Variants in FREM1 observed in about 807,000 individuals in gnomAD.
FREM1 encodes FRAS1-related extracellular matrix protein 1.
A neutral mutation model predicts 210.1 loss-of-function variants in FREM1; 220 were observed. That is an observed-to-expected ratio of 1.05 (90% confidence interval 0.94 to 1.17). The LOEUF (loss-of-function observed/expected upper bound fraction) is 1.17. Among genes scored for constraint, FREM1 ranks in the 50% most tolerant of loss-of-function variants. The pLI is 0.00. For missense variants in FREM1, 3,454 were observed against 2,675.5 expected, an observed-to-expected ratio of 1.29 and a Z score of -6.42; for synonymous variants, 1,189 against 980.2, an observed-to-expected ratio of 1.21 and a Z score of -3.98.
In FREM1 at chr9:14,824,055, A is replaced by T. The variant is rs1174390493; in HGVS notation, c.2139T>A (p.Pro713=). ...TGAATGACCTCAGCTCCAGGGCCGT[A>T]GGATTCTTAACTACTTTTGGTATGC... ...VDSIPKVVKN[P]TALELRSFTQ... is the part of the protein sequence containing the mutation. Residue 713 remains proline, a synonymous_variant, in exon 12 of 37, where the codon CCT becomes CCA. Coordinates refer to ENST00000380880, the MANE Select transcript of FREM1 (RefSeq NM_001379081.2). The T allele has an allele frequency of 2.5e-6, 4 of 1,593,932 alleles. No individual in the cohort carries two copies. The highest frequency in any genetic ancestry group is 3.4e-6 in the Non-Finnish European group (4 of 1,169,012).
rs115421185 is a variant in FREM1 at position 14,775,935 on chromosome 9, C to T, written c.4711G>A (p.Asp1571Asn). 4.3e-4 allele frequency: 700 copies of T among 1,613,958 alleles called. 4 individuals carry two copies. In the African/African-American group the frequency reaches 8.2e-3, roughly 19 times the overall value. The change falls in exon 25 of 37, where the codon GAT (aspartate) becomes AAT (asparagine). Residue 1571 changes from aspartate (D) to asparagine (N), a missense_variant. Transcript: ENST00000380880. Reference sequence around the variant, plus strand: ...TAGGCCACATTCTTGCTGTCCACATCCTGCTGGGTGAAATTGTGTTGAAGT... The same window carrying T: ...TAGGCCACATTCTTGCTGTCCACATTCTGCTGGGTGAAATTGTGTTGAAGT... ...GLLQHNFTQQ[D>N]VDSKNVAYRH...
intron 24 of FREM1, among the ~76,000 whole-genome samples, chr9:14,777,058 T>A (rs892323677): frequency 7.2e-5 from 11 of 152,184 alleles, no homozygotes; most frequent in African/African-American, 2.7e-4. Flanking sequence ...CACCCACTAC[T>A]CTTGCAGAGT....
At chr9:14,873,071 CA>C (rs1303196376) in intron 1 of FREM1, among the ~76,000 whole-genome samples, 3 of 152,106 alleles carry the variant, frequency 2.0e-5, no homozygotes, top group African/African-American at 7.2e-5. Context: ...TTCGGTTTGC[CA>C]GTATCTTATT....
chr9:14,781,035 C>T (rs1012418191), intron 24 of FREM1, among the ~76,000 whole-genome samples: 8 of 152,174 alleles, frequency 5.3e-5, no homozygotes, highest in Non-Finnish European at 8.8e-5. Flanking sequence ...CACACAAATG[C>T]ATATTCTCCA....
At chr9:14,839,519 T>G (rs1190018556) in intron 10 of FREM1, among the ~76,000 whole-genome samples, 2 of 152,118 alleles carry the variant, frequency 1.3e-5, no homozygotes, top group African/African-American at 4.8e-5. Context: ...TAACATAAAT[T>G]AAGAAGATGA....
chr9:14,840,514 AG>A (rs959709314), intron 10 of FREM1, among the ~76,000 whole-genome samples: 1 of 152,204 alleles, frequency 6.6e-6, no homozygotes, highest in Non-Finnish European at 1.5e-5. Flanking sequence ...AAGCTTGTAC[AG>A]GGGACCACCC....
chr9:14,776,530 C>T (rs979674598), intron 24 of FREM1, among the ~76,000 whole-genome samples: 3 of 152,138 alleles, frequency 2.0e-5, no homozygotes, highest in African/African-American at 7.2e-5. Context: ...AATTTCACAT[C>T]CAATGAGACT....
At chr9:14,825,547 G>GTGTGTGTGTGTGTGTATATATATATA in intron 10 of FREM1, among the ~76,000 whole-genome samples, 6 of 75,932 alleles carry the variant, frequency 7.9e-5, no homozygotes, top group Non-Finnish European at 9.8e-5. Flanking sequence ...GTGTGTGTGT[G>GTGTGTGTGTGTGTGTATATATATATA]TATATATATA....
At position 14,837,750 on chromosome 9, in the gene FREM1, C is replaced by A. The variant is rs185967864; in HGVS notation, c.1881+3697G>T. 6.6e-5 allele frequency among the ~76,000 whole-genome samples: 10 copies of A among 152,232 alleles called. No homozygotes were observed. The East Asian group carries it at 1.9e-3, about 29-fold the overall frequency. The stretch of plus-strand genomic sequence containing the variant: ...GGGGAAAAAATCATGACACAGACTG[C>A]AGGAGAATAGAAAAATGACTGCCAT... On this transcript the variant is annotated intron_variant, in intron 10 of 36. Transcript: ENST00000380880.
chr9:14,884,987 C>G (rs894639733), intron 1 of FREM1, among the ~76,000 whole-genome samples: 2 of 112,302 alleles, frequency 1.8e-5, no homozygotes, highest in East Asian at 3.1e-4. Context: ...TGCAGTGGTG[C>G]GATCTCGGCT....
In FREM1 at chr9:14,784,362, G is replaced by A. The variant is rs1850083333; in HGVS notation, c.4442+8C>T. 1 of 1,609,872 alleles carries A rather than the reference G, an allele frequency of 6.2e-7. No homozygotes were observed. The highest frequency in any genetic ancestry group is 8.5e-7 in the Non-Finnish European group (1 of 1,177,084). ...AGAAGGGGTTTGAAAAGTTTCCATGGGGCTCACCTGAATCTGTCACTGGAG... is the reference window on the plus strand; with the variant it reads ...AGAAGGGGTTTGAAAAGTTTCCATGAGGCTCACCTGAATCTGTCACTGGAG... On this transcript the variant is annotated splice_region_variant and intron_variant, in intron 24 of 36. Transcript: ENST00000380880.
chr9:14,766,152 C>A (rs911177166), intron 27 of FREM1, among the ~76,000 whole-genome samples: 1 of 152,132 alleles, frequency 6.6e-6, no homozygotes, highest in Non-Finnish European at 1.5e-5. Context: ...AAGCCTTGAG[C>A]TTTATTTCCT....
chr9:14,783,413 T>C (rs1250520610), intron 24 of FREM1, among the ~76,000 whole-genome samples: 1 of 152,218 alleles, frequency 6.6e-6, no homozygotes, highest in Non-Finnish European at 1.5e-5. Flanking sequence ...GAAGACTGTA[T>C]TGTGACGTGG....
intron 28 of FREM1, among the ~76,000 whole-genome samples, chr9:14,758,221 T>G (rs1360345709): frequency 6.6e-6 from 1 of 152,134 alleles, no homozygotes; most frequent in Non-Finnish European, 1.5e-5. Context: ...GGACTGTGCT[T>G]GATGAAGGCC....
chr9:14,840,060 C>A lies in FREM1; in HGVS notation c.1881+1387G>T, dbSNP rs550584630. The stretch of plus-strand genomic sequence containing the variant: ...TTAATAGGGATTACCTATTGCCTTC[C>A]ATTTCTGAGCTCTCTGGAATCATTC... On this transcript the variant is annotated intron_variant, in intron 10 of 36. Coordinates refer to ENST00000380880, the MANE Select transcript of FREM1 (RefSeq NM_001379081.2). Among the ~76,000 whole-genome samples, 7 of 152,314 alleles carry A rather than the reference C, an allele frequency of 4.6e-5. 1 individual carries two copies. The South Asian group carries it at 1.2e-3, about 27-fold the overall frequency.
At chr9:14,814,492 T>C (rs1183501366) in intron 15 of FREM1, among the ~76,000 whole-genome samples, 5 of 152,172 alleles carry the variant, frequency 3.3e-5, no homozygotes, top group Non-Finnish European at 7.3e-5. Context: ...AAAACAAATA[T>C]ACATGAAATT....
In FREM1 at chr9:14,824,906, A is replaced by G; in HGVS notation, c.1968T>C (p.Thr656=). ...GVSRHLVVKE[T]EVAYITKKQL... ...GTTTCTTAGTTATATAGGCCACCTC[A>G]GTTTCCTTGACAACCAAATGCCGAG... is the stretch of plus-strand genomic sequence containing the variant. Residue 656 remains threonine, a synonymous_variant, in exon 11 of 37, where the codon ACT becomes ACC. Coordinates refer to ENST00000380880, the MANE Select transcript of FREM1 (RefSeq NM_001379081.2). The G allele has an allele frequency of 6.2e-7, 1 of 1,611,672 alleles. No individual in the cohort carries two copies. The highest frequency in any genetic ancestry group is 8.5e-7 in the Non-Finnish European group (1 of 1,179,182).
intron 30 of FREM1, among the ~76,000 whole-genome samples, chr9:14,749,342 T>A (rs1030298606): frequency 2.0e-5 from 3 of 152,012 alleles, no homozygotes; most frequent in Admixed American, 6.6e-5. Flanking sequence ...GAAACAAGGA[T>A]ATTATAAAGA....
chr9:14,803,631 A>T (rs529846036), intron 19 of FREM1, among the ~76,000 whole-genome samples: 2 of 152,186 alleles, frequency 1.3e-5, no homozygotes, highest in South Asian at 4.2e-4. Flanking sequence ...AGCCTCCCAA[A>T]GTGCTGGGAT....
Sources: gnomAD v4.1 joint callset for allele counts (sites outside exome capture counted in the v4.1 genomes callset) on GRCh38, gnomAD v4.1.1 for gene constraint, MANE v1.5 for transcripts, NCBI Gene and HGNC (gene_info 2026-07-23, HGNC 2026-07-21) for gene names.